The following CTTNBP2 variants were observed in gnomAD, a reference collection of about 807,000 sequenced individuals.
CTTNBP2 encodes the protein cortactin binding protein 2.
Under a neutral mutation model 156.9 loss-of-function variants are expected in CTTNBP2, and 108 were observed. That is an observed-to-expected ratio of 0.69 (90% CI 0.59 to 0.81). The LOEUF is 0.81. CTTNBP2 is among the 30% of genes least tolerant of loss of function. CTTNBP2 has a pLI of 0.00. For synonymous variants in CTTNBP2, 767 were observed against 751.8 expected (o/e 1.02, Z -0.33); for missense variants, 1,924 against 2,035.4 (o/e 0.95, Z 1.05).
chr7:117,831,181 G>C (rs923803092), intron 2 of CTTNBP2, among the ~76,000 whole-genome samples: 1 of 152,148 alleles, frequency 6.6e-6, no homozygotes, highest in South Asian at 2.1e-4. Context: ...ATGTGGATAA[G>C]CAAAAGAATC....
At chr7:117,777,793 G>T (rs777535459) in intron 7 of CTTNBP2, 28 bp from the exon 8 acceptor site, 6 of 1,587,722 alleles carry the variant, frequency 3.8e-6, no homozygotes, top group Non-Finnish European at 5.2e-6. Context: ...AGGGGGAAAG[G>T]GTTGATAACA....
chr7:117,852,830 A>G (rs1394987710), intron 2 of CTTNBP2, among the ~76,000 whole-genome samples: 1 of 152,214 alleles, frequency 6.6e-6, no homozygotes, highest in Non-Finnish European at 1.5e-5. Context: ...CAATTAAAGT[A>G]AAGTAAACAA....
chr7:117,757,810 G>T, intron 11 of CTTNBP2, 65 bp downstream of exon 11: 1 of 1,027,798 alleles, frequency 9.7e-7, no homozygotes, highest in Non-Finnish European at 1.4e-6. Context: ...TTTAAGAACT[G>T]GTGCTCTGAG....
chr7:117,764,931 T>TTTTTG (rs1234642997), intron 9 of CTTNBP2, among the ~76,000 whole-genome samples: 11 of 152,138 alleles, frequency 7.2e-5, no homozygotes, highest in African/African-American at 2.7e-4. Flanking sequence ...CTTCAGGTTT[T>TTTTTG]TTTTGTTTTG....
intron 3 of CTTNBP2, among the ~76,000 whole-genome samples, chr7:117,799,859 A>C (rs1799519862): frequency 6.6e-6 from 1 of 152,152 alleles, no homozygotes; most frequent in Non-Finnish European, 1.5e-5. Context: ...GAATACCTGC[A>C]CATTAACAAC....
chr7:117,763,543 T>C (rs1562983308), intron 9 of CTTNBP2, among the ~76,000 whole-genome samples: 2 of 146,434 alleles, frequency 1.4e-5, no homozygotes, highest in Non-Finnish European at 3.0e-5. Flanking sequence ...TTGTTTTCTT[T>C]TTCTTCTTCT....
intron 3 of CTTNBP2, among the ~76,000 whole-genome samples, chr7:117,801,600 A>G (rs1271171565): frequency 6.6e-6 from 1 of 152,232 alleles, no homozygotes; most frequent in Non-Finnish European, 1.5e-5. Flanking sequence ...TCCTCATTTT[A>G]AAAAACTGTA....
intron 21 of CTTNBP2, 22 bp downstream of exon 21, chr7:117,719,482 G>A: frequency 1.3e-6 from 2 of 1,598,272 alleles, no homozygotes; most frequent in East Asian, 2.2e-5. Flanking sequence ...GCCATTCAAT[G>A]CCCCCCATTT....
chr7:117,794,174 C>G (rs1799189084), intron 3 of CTTNBP2, among the ~76,000 whole-genome samples: 1 of 152,192 alleles, frequency 6.6e-6, no homozygotes, highest in Admixed American at 6.5e-5. Context: ...GGCTTTCTGG[C>G]TAAGTGGGCA....
chr7:117,752,419 A>C (rs566730861), intron 12 of CTTNBP2, among the ~76,000 whole-genome samples: 33 of 152,360 alleles, frequency 2.2e-4, no homozygotes, highest in African/African-American at 7.7e-4. Flanking sequence ...TAATGCAAAA[A>C]ATTCAACAAT....
chr7:117,814,574 C>T (rs957376636), intron 2 of CTTNBP2, among the ~76,000 whole-genome samples: 3 of 152,210 alleles, frequency 2.0e-5, no homozygotes, highest in African/African-American at 7.2e-5. Context: ...ACTATAGGCA[C>T]GTGCCACTAC....
chr7:117,720,955 C>CCATATTAA, intron 20 of CTTNBP2, 112 bp downstream of exon 20: 1 of 771,928 alleles, frequency 1.3e-6, no homozygotes. Context: ...TTTTTTAAAA[C>CCATATTAA]CATATTAACA....
At chr7:117,836,309 A>T (rs890126129) in intron 2 of CTTNBP2, among the ~76,000 whole-genome samples, 3 of 152,194 alleles carry the variant, frequency 2.0e-5, no homozygotes, top group African/African-American at 4.8e-5. Context: ...TCACGCCTGT[A>T]ATCCCAGCAC....
In CTTNBP2 at chr7:117,791,799, G is replaced by A. The variant is rs754001382; in HGVS notation, c.1397C>T (p.Thr466Ile). The stretch of plus-strand genomic sequence containing the variant: ...GACATCTCTTGACGGAGGACTTTGG[G>A]TAGTATTTCCATTTTGGTCTGGGTC... ...ANDPDQNGNT[T>I]QSPPSRDVSP... The change falls in exon 4 of 23, where the codon ACC becomes ATC. Residue 466 changes from threonine to isoleucine, a missense_variant. Coordinates refer to ENST00000160373, the MANE Select transcript of CTTNBP2 (RefSeq NM_033427.3). 8 of 1,614,188 alleles carry A rather than the reference G, an allele frequency of 5.0e-6. No individual in the cohort carries two copies. The highest frequency in any genetic ancestry group is 2.2e-5 in the East Asian group (1 of 44,874).
intron 2 of CTTNBP2, among the ~76,000 whole-genome samples, chr7:117,844,720 T>C (rs543537926): frequency 1.3e-5 from 2 of 152,186 alleles, no homozygotes; most frequent in East Asian, 3.9e-4. Flanking sequence ...CAGACTTGAG[T>C]GCACAATAAC....
intron 8 of CTTNBP2, among the ~76,000 whole-genome samples, chr7:117,771,056 T>C (rs1352284944): frequency 6.6e-6 from 1 of 152,180 alleles, no homozygotes; most frequent in Non-Finnish European, 1.5e-5. Flanking sequence ...CATAGTTCCC[T>C]GCAATGGGGA....
chr7:117,768,066 T>C (rs1293188388), intron 8 of CTTNBP2, among the ~76,000 whole-genome samples: 1 of 141,864 alleles, frequency 7.0e-6, no homozygotes, highest in African/African-American at 2.7e-5. Flanking sequence ...AAACAAGCAA[T>C]GCCCTGCCCA....
intron 2 of CTTNBP2, among the ~76,000 whole-genome samples, chr7:117,851,488 A>G (rs1343411624): frequency 2.0e-5 from 3 of 152,124 alleles, no homozygotes; most frequent in Non-Finnish European, 1.5e-5. Flanking sequence ...GCTTCCTCAG[A>G]TTCTTTCTTT....
At chr7:117,728,942 C>G (rs548018060) in intron 16 of CTTNBP2, among the ~76,000 whole-genome samples, 1 of 152,350 alleles carries the variant, frequency 6.6e-6, no homozygotes, top group East Asian at 1.9e-4. Context: ...TTAAGCCTCA[C>G]TTTCTACCGT....
Sources: allele counts gnomAD v4.1 joint callset (sites outside exome capture counted in the v4.1 genomes callset), GRCh38; gene constraint gnomAD v4.1.1; transcripts MANE v1.5; gene names NCBI Gene and HGNC (gene_info 2026-07-23, HGNC 2026-07-21).